The following NLRP13 variants were observed in gnomAD, a reference collection of about 807,000 sequenced individuals.
NLRP13 encodes NLR family pyrin domain containing 13.
In NLRP13, 82 loss-of-function variants were observed where a neutral mutation model predicts 94.4. The ratio of observed to expected loss-of-function variants is 0.87; its 90% CI spans 0.73 to 1.04. NLRP13 has a LOEUF of 1.04. NLRP13 is among the 50% of genes least tolerant of loss of function. NLRP13 has a pLI of 0.00. For missense variants in NLRP13, 1,426 were observed against 1,230.8 expected, an observed-to-expected ratio of 1.16 and a Z score of -2.37; for synonymous variants, 553 against 464.7, an observed-to-expected ratio of 1.19 and a Z score of -2.45.
At chr19:55,917,861 C>A (rs929776931) in intron 4 of NLRP13, among the ~76,000 whole-genome samples, 2 of 152,088 alleles carry the variant, frequency 1.3e-5, no homozygotes, top group South Asian at 4.1e-4. Flanking sequence ...ATCATCAAGA[C>A]AGAAAATCAA....
Position 55,913,558 on chromosome 19 carries a change from A to AAAAAAAAAAAAAAAAAAG in NLRP13, c.524-266_524-265insCTTTTTTTTTTTTTTTTT, listed in dbSNP as rs1986597747. Among the ~76,000 whole-genome samples, 2 of 149,310 alleles carry AAAAAAAAAAAAAAAAAAG rather than the reference A, an allele frequency of 1.3e-5. 1 individual carries two copies. The highest frequency in any genetic ancestry group is 3.0e-5 in the Non-Finnish European group (2 of 67,352). ...AGTGAGACTCCGTCTCAAAAAAAAAAAAAAAAAAAAAAAGTTGCAAAATAT... is the reference window on the plus strand; with the variant it reads ...AGTGAGACTCCGTCTCAAAAAAAAAAAAAAAAAAAAAAAAAAAGAAAAAAAAAAAAAGTTGCAAAATAT... On this transcript the variant is annotated intron_variant, in intron 4 of 10. Coordinates refer to ENST00000342929, the MANE Select transcript of NLRP13 (RefSeq NM_176810.2).
intron 7 of NLRP13, among the ~76,000 whole-genome samples, chr19:55,906,209 G>T (rs1052371223): frequency 2.0e-5 from 3 of 151,776 alleles, no homozygotes; most frequent in Non-Finnish European, 4.4e-5. Context: ...ATGGTGGTGT[G>T]TGACTGTAAT....
chr19:55,931,746 A>AAAGACAGAAAGAAAG (rs1987152154), intron 1 of NLRP13, among the ~76,000 whole-genome samples: 1 of 82,034 alleles, frequency 1.2e-5, no homozygotes, highest in Non-Finnish European at 2.8e-5. Flanking sequence ...AAGAAAGAAA[A>AAAGACAGAAAGAAAG]AGGCTTATAA....
At chr19:55,901,131 T>C (rs1377382734) in intron 9 of NLRP13, among the ~76,000 whole-genome samples, 1 of 152,162 alleles carries the variant, frequency 6.6e-6, no homozygotes, top group Non-Finnish European at 1.5e-5. Flanking sequence ...CTGTGTGATG[T>C]TGGAGAGCAA....
chr19:55,918,820 T>C (rs1986739478), intron 4 of NLRP13, among the ~76,000 whole-genome samples: 1 of 152,110 alleles, frequency 6.6e-6, no homozygotes, highest in Non-Finnish European at 1.5e-5. Flanking sequence ...CCAATCCTAC[T>C]GAAACTGTTG....
At chr19:55,905,379 T>TA (rs912144317) in intron 7 of NLRP13, among the ~76,000 whole-genome samples, 68 of 149,698 alleles carry the variant, frequency 4.5e-4, no homozygotes, top group African/African-American at 1.5e-3. Context: ...TCATCTCCAC[T>TA]AAAGAAAATA....
At chr19:55,929,560 G>A (rs1258044367) in intron 1 of NLRP13, among the ~76,000 whole-genome samples, 1 of 152,168 alleles carries the variant, frequency 6.6e-6, no homozygotes, top group Non-Finnish European at 1.5e-5. Context: ...TCATTCATAA[G>A]TGGGAGCTGG....
chr19:55,913,074 G>T lies in NLRP13; in HGVS notation c.743C>A (p.Ala248Asp). 6.2e-7 allele frequency: 1 copy of T among 1,614,168 alleles called. No homozygotes were observed. Among genetic ancestry groups the T allele is most frequent in the Non-Finnish European group, 8.5e-7 (1 of 1,180,020 alleles). ...GVGKTTLAMQAMLHWANGVLF... is the reference protein window; with the variant it reads ...GVGKTTLAMQDMLHWANGVLF... ...AACTCCATTTGCCCAGTGCAGCATAGCCTGCATTGCCAAGGTGGTCTTCCC... is the reference window on the plus strand; with the variant it reads ...AACTCCATTTGCCCAGTGCAGCATATCCTGCATTGCCAAGGTGGTCTTCCC... The change falls in exon 5 of 11, where the codon GCT becomes GAT. Residue 248 changes from alanine (A) to aspartate (D), a missense_variant. Physicochemically the swap from Ala to Asp is moderately radical, Grantham distance 126. Transcript: ENST00000342929.
intron 6 of NLRP13, among the ~76,000 whole-genome samples, chr19:55,909,001 G>T (rs768041907): frequency 1.3e-5 from 2 of 152,142 alleles, no homozygotes; most frequent in Non-Finnish European, 2.9e-5. Context: ...GAGGTTTGAG[G>T]AAAGTTACGA....
At chr19:55,895,688 A>C (rs922367435), downstream of NLRP13, among the ~76,000 whole-genome samples, 2 of 152,212 alleles carry the variant, frequency 1.3e-5, no homozygotes, top group Non-Finnish European at 2.9e-5. Context: ...GTCTCAAAAA[A>C]GGTGAAAGAA....
Position 55,912,251 on chromosome 19 carries a change from A to T in NLRP13, c.1566T>A (p.Leu522=), listed in dbSNP as rs1486265029. The change falls in exon 5 of 11, where the codon CTT becomes CTA. Residue 522 remains leucine, a synonymous_variant. Transcript: ENST00000342929. The part of the protein sequence containing the change: ...FIDSLYEFNI[L]QKINDCGGCT... ...AACCCCCACAGTCATTGATCTTTTG[A>T]AGAATATTGAACTCGTAGAGAGAAT... 4 of 1,613,998 alleles carry T rather than the reference A, an allele frequency of 2.5e-6. No individual in the cohort carries two copies. In the African/African-American group the frequency reaches 5.3e-5, roughly 22 times the overall value.
intron 8 of NLRP13, among the ~76,000 whole-genome samples, 172 bp from the exon 9 acceptor site, chr19:55,902,377 C>T (rs1389078241): frequency 6.6e-6 from 1 of 152,146 alleles, no homozygotes; most frequent in East Asian, 1.9e-4. Flanking sequence ...TCTTGCATAC[C>T]ATAACCCTCC....
At chr19:55,930,319 A>G (rs1395956284) in intron 1 of NLRP13, among the ~76,000 whole-genome samples, 1 of 152,192 alleles carries the variant, frequency 6.6e-6, no homozygotes, top group East Asian at 1.9e-4. Flanking sequence ...TCTGTAAGAT[A>G]CAAGTAATAG....
In NLRP13 at chr19:55,896,044, G is replaced by T; in HGVS notation, c.3033C>A (p.Val1011=). Residue 1011 remains valine (V), a synonymous_variant, in exon 11 of 11, where the codon GTC becomes GTA. Coordinates refer to ENST00000342929, the MANE Select transcript of NLRP13 (RefSeq NM_176810.2). The part of the protein sequence containing the change: ...FSVLSSSKSL[V]NLNLLGNELD... ...ATTCATTGCCTAGAAGGTTCAGATTGACCAGGCTCTTACTGCTGCTGAGAA... is the reference window on the plus strand; with the variant it reads ...ATTCATTGCCTAGAAGGTTCAGATTTACCAGGCTCTTACTGCTGCTGAGAA... 1 of 1,614,188 alleles carries T rather than the reference G, an allele frequency of 6.2e-7. No homozygotes were observed. Among genetic ancestry groups the T allele is most frequent in the Non-Finnish European group, 8.5e-7 (1 of 1,180,030 alleles).
intron 8 of NLRP13, among the ~76,000 whole-genome samples, chr19:55,903,120 T>A (rs538879536): frequency 1.2e-4 from 19 of 152,132 alleles, no homozygotes; most frequent in Admixed American, 5.9e-4. Flanking sequence ...AATAATATAT[T>A]AGGGTTGTAA....
intron 3 of NLRP13, 132 bp from the exon 4 acceptor site, chr19:55,924,111 G>T (rs1223899306): frequency 2.7e-5 from 19 of 695,954 alleles, no homozygotes; most frequent in South Asian, 2.6e-4. Context: ...AAATCAGCAT[G>T]CCCAGTTTAT....
rs1377723315 is a variant in NLRP13, at chr19:55,924,010, A to G, written c.458-31T>C. 3 of 1,564,340 alleles carry G rather than the reference A, an allele frequency of 1.9e-6. No individual in the cohort carries two copies. The South Asian group carries it at 3.3e-5, about 17-fold the overall frequency. On this transcript the variant is annotated intron_variant, in intron 3 of 10. Transcript: ENST00000342929. ...ATAAACAGTGATGATGAGATATGAA[A>G]ATACCCCAGACTGAAAATGGGCCAC...
At chr19:55,926,138 T>C (rs1480280449) in intron 1 of NLRP13, among the ~76,000 whole-genome samples, 1 of 152,184 alleles carries the variant, frequency 6.6e-6, no homozygotes, top group Non-Finnish European at 1.5e-5. Flanking sequence ...CATGTGGCAT[T>C]CCTCTGTTGC....
intron 5 of NLRP13, among the ~76,000 whole-genome samples, 169 bp from the exon 6 acceptor site, chr19:55,910,902 C>T (rs993384908): frequency 6.6e-5 from 10 of 152,152 alleles, no homozygotes; most frequent in African/African-American, 1.9e-4. Context: ...GGGAGACCGT[C>T]GGGAGTTTGA....
Sources: allele counts gnomAD v4.1 joint callset (sites outside exome capture counted in the v4.1 genomes callset), GRCh38; gene constraint gnomAD v4.1.1; transcripts MANE v1.5; gene names NCBI Gene and HGNC (gene_info 2026-07-23, HGNC 2026-07-21).